SPIDR: variants seen among roughly 807,000 people sequenced by gnomAD.
The protein encoded by SPIDR is DNA repair-scaffolding protein.
In SPIDR, 93 loss-of-function variants were observed where a neutral mutation model predicts 104.6. The observed-to-expected ratio is 0.89, with a 90% CI of 0.75 to 1.06. SPIDR has a LOEUF of 1.06. Ranked by LOEUF, SPIDR falls within the 50% of genes least tolerant of loss-of-function variation. The probability of loss-of-function intolerance (pLI) is 0.00; values close to 1 mark genes in which losing one functional copy is unlikely to be tolerated. For synonymous variants in SPIDR, 431 were observed against 416.9 expected (o/e 1.03, Z -0.41); for missense variants, 1,154 against 1,111.2 (o/e 1.04, Z -0.55).
intron 5 of SPIDR, among the ~76,000 whole-genome samples, chr8:47,321,677 C>G (rs548882749): frequency 6.6e-6 from 1 of 152,256 alleles, no homozygotes; most frequent in South Asian, 2.1e-4. Flanking sequence ...AGGCATCGTG[C>G]TACCTGACTT....
chr8:47,289,217 C>G (rs2039451682), intron 3 of SPIDR, among the ~76,000 whole-genome samples: 1 of 151,958 alleles, frequency 6.6e-6, no homozygotes, highest in Non-Finnish European at 1.5e-5. Flanking sequence ...CACTGTGTTG[C>G]CTAGGCTGGA....
At chr8:47,591,519 C>G (rs963119252) in intron 8 of SPIDR, among the ~76,000 whole-genome samples, 1 of 151,662 alleles carries the variant, frequency 6.6e-6, no homozygotes, top group Non-Finnish European at 1.5e-5. Context: ...AATTTCCAGA[C>G]AAGCCATACA....
chr8:47,539,992 AG>A (rs1467277166), intron 8 of SPIDR, among the ~76,000 whole-genome samples: 6 of 152,188 alleles, frequency 3.9e-5, no homozygotes, highest in African/African-American at 1.4e-4. Flanking sequence ...AGCAAATAAG[AG>A]GAAAAGGGAA....
chr8:47,534,090 T>C (rs1330225006), intron 8 of SPIDR, among the ~76,000 whole-genome samples: 1 of 152,210 alleles, frequency 6.6e-6, no homozygotes, highest in East Asian at 1.9e-4. Context: ...TGTGAGTGAC[T>C]GGTATTTCCC....
Position 47,404,886 on chromosome 8 carries a change from A to G in SPIDR, c.777-2975A>G, listed in dbSNP as rs191365150. Among the ~76,000 whole-genome samples, 52 of 152,334 alleles carry G rather than the reference A, an allele frequency of 3.4e-4. No homozygotes were observed. In the East Asian group the frequency reaches 6.4e-3, roughly 19 times the overall value. ...CCAAAAGATTATAAATCATGCTGCT[A>G]TAAAGACACATTGACACGTATGTTT... On this transcript the variant is annotated intron_variant, in intron 6 of 19. Coordinates refer to ENST00000297423, the MANE Select transcript of SPIDR (RefSeq NM_001080394.4).
intron 2 of SPIDR, among the ~76,000 whole-genome samples, chr8:47,281,331 G>A (rs2037735797): frequency 1.3e-5 from 2 of 152,138 alleles, no homozygotes; most frequent in Non-Finnish European, 2.9e-5. Context: ...AGGCAAAAGT[G>A]AAGTTTACCA....
intron 14 of SPIDR, among the ~76,000 whole-genome samples, chr8:47,706,246 A>C (rs2081064370): frequency 6.6e-6 from 1 of 152,094 alleles, no homozygotes; most frequent in African/African-American, 2.4e-5. Context: ...CAAAAAAATT[A>C]GCCGGGCGTG....
intron 5 of SPIDR, among the ~76,000 whole-genome samples, chr8:47,379,484 AG>A (rs1455284435): frequency 6.6e-6 from 1 of 152,154 alleles, no homozygotes; most frequent in Non-Finnish European, 1.5e-5. Flanking sequence ...GAGCCAAGAT[AG>A]CATCACTGCC....
rs4436571 is a variant in SPIDR, at chr8:47,503,249, G to A, written c.1097+62707G>A. ...GTTGACAGTGGGGTGTTAAAGTCTCGCATTGTTACTGTGTGGGAGTCTAAG... is the reference window on the plus strand; with the variant it reads ...GTTGACAGTGGGGTGTTAAAGTCTCACATTGTTACTGTGTGGGAGTCTAAG... On this transcript the variant is annotated intron_variant, in intron 8 of 19. Coordinates refer to ENST00000297423, the MANE Select transcript of SPIDR (RefSeq NM_001080394.4). 1.1e-4 allele frequency among the ~76,000 whole-genome samples: 16 copies of A among 152,038 alleles called. No homozygotes were observed. In the South Asian group the frequency reaches 1.5e-3, roughly 14 times the overall value.
At chr8:47,346,646 T>G (rs1317215826) in intron 5 of SPIDR, among the ~76,000 whole-genome samples, 1 of 152,228 alleles carries the variant, frequency 6.6e-6, no homozygotes, top group East Asian at 1.9e-4. Flanking sequence ...GAACCTGTTA[T>G]TGGTCTATTC....
chr8:47,290,160 C>A (rs372280865), intron 3 of SPIDR, among the ~76,000 whole-genome samples: 2,347 of 152,082 alleles, frequency 0.015, 36 homozygotes, highest in Non-Finnish European at 0.023. Flanking sequence ...CTGCCTCAGC[C>A]CCCCCTGAGT....
chr8:47,417,151 A>C (rs561183586), intron 7 of SPIDR, among the ~76,000 whole-genome samples: 16 of 152,290 alleles, frequency 1.1e-4, no homozygotes, highest in African/African-American at 2.6e-4. Context: ...CAGTAATGGG[A>C]TGGCTGGGTC....
intron 16 of SPIDR, among the ~76,000 whole-genome samples, chr8:47,723,423 A>AC (rs1296585675): frequency 7.3e-6 from 1 of 136,278 alleles, no homozygotes; most frequent in East Asian, 2.1e-4. Context: ...TATCAATTAT[A>AC]CTTTTTTTTT....
intron 8 of SPIDR, among the ~76,000 whole-genome samples, chr8:47,483,549 G>A (rs2077159129): frequency 6.6e-6 from 1 of 152,068 alleles, no homozygotes; most frequent in Non-Finnish European, 1.5e-5. Flanking sequence ...TTTAGGATAG[G>A]TAGTTGCACA....
chr8:47,664,489 A>C (rs189858945), intron 10 of SPIDR, among the ~76,000 whole-genome samples: 2 of 152,330 alleles, frequency 1.3e-5, no homozygotes, highest in African/African-American at 4.8e-5. Context: ...AAAAAGATAC[A>C]AACTATGAAA....
At chr8:47,403,984 T>C (rs1273307134) in intron 6 of SPIDR, among the ~76,000 whole-genome samples, 1 of 152,192 alleles carries the variant, frequency 6.6e-6, no homozygotes, top group East Asian at 1.9e-4. Context: ...AGCAGCATGG[T>C]ACTGGTACCA....
intron 14 of SPIDR, among the ~76,000 whole-genome samples, chr8:47,705,834 G>T (rs1179451884): frequency 1.3e-5 from 2 of 151,630 alleles, no homozygotes; most frequent in South Asian, 2.1e-4. Flanking sequence ...AGCCCAGGAG[G>T]TTGCTGCAGT....
At chr8:47,489,701 A>G (rs1225534539) in intron 8 of SPIDR, among the ~76,000 whole-genome samples, 4 of 152,234 alleles carry the variant, frequency 2.6e-5, no homozygotes, top group African/African-American at 9.6e-5. Flanking sequence ...AATACCACAC[A>G]TCTACAACCA....
intron 10 of SPIDR, among the ~76,000 whole-genome samples, chr8:47,616,460 G>A (rs1319164469): frequency 2.0e-5 from 3 of 152,182 alleles, no homozygotes; most frequent in Non-Finnish European, 4.4e-5. Flanking sequence ...AATCAGAGAA[G>A]TGTGTTACCT....
Sources: allele counts gnomAD v4.1 joint callset (sites outside exome capture counted in the v4.1 genomes callset), GRCh38; gene constraint gnomAD v4.1.1; transcripts MANE v1.5; gene names NCBI Gene and HGNC (gene_info 2026-07-23, HGNC 2026-07-21).